TMEM232: variants seen among roughly 807,000 people sequenced by gnomAD.
The protein encoded by TMEM232 is transmembrane protein 232.
TMEM232 carries 80 observed loss-of-function variants against 78.8 expected under a neutral mutation model. The ratio of observed to expected loss-of-function variants is 1.01; its 90% CI spans 0.85 to 1.22. TMEM232 has a LOEUF of 1.22. TMEM232 is among the 50% of genes most tolerant of loss of function. The probability of loss-of-function intolerance (pLI) is 0.00; values close to 1 mark genes in which losing one functional copy is unlikely to be tolerated. For synonymous variants in TMEM232, 297 were observed against 254.3 expected, an observed-to-expected ratio of 1.17 and a Z score of -1.60; for missense variants, 881 against 742.2, an observed-to-expected ratio of 1.19 and a Z score of -2.17.
intron 3 of TMEM232, among the ~76,000 whole-genome samples, chr5:110,392,165 G>A (rs577205215): frequency 6.6e-6 from 1 of 152,174 alleles, no homozygotes; most frequent in Non-Finnish European, 1.5e-5. Context: ...TGATCAACTT[G>A]GGGTTGCTAA....
intron 2 of TMEM232, among the ~76,000 whole-genome samples, chr5:110,410,716 C>G (rs1294075130): frequency 6.6e-6 from 1 of 152,142 alleles, no homozygotes; most frequent in African/African-American, 2.4e-5. Context: ...GGTGTATAAA[C>G]TCATTTAATC....
intron 3 of TMEM232, among the ~76,000 whole-genome samples, chr5:110,392,150 T>C (rs539656796): frequency 3.2e-4 from 48 of 152,206 alleles, no homozygotes; most frequent in Non-Finnish European, 2.8e-4. Flanking sequence ...TCTTTCCAGG[T>C]GGCATGATCA....
intron 12 of TMEM232, among the ~76,000 whole-genome samples, chr5:110,436,630 TG>T (rs1237618162): frequency 1.3e-5 from 2 of 152,106 alleles, no homozygotes; most frequent in African/African-American, 2.4e-5. Context: ...ATTTGATTTT[TG>T]CATAAGGCAA....
intron 12 of TMEM232, among the ~76,000 whole-genome samples, chr5:110,449,382 T>C (rs973351044): frequency 9.2e-5 from 14 of 152,138 alleles, no homozygotes; most frequent in South Asian, 8.3e-4. Context: ...AAAAGGTGAA[T>C]GAATGAAAGA....
At chr5:110,684,825 G>A (rs1446945658) in intron 1 of TMEM232, 1 of 151,954 alleles carries the variant, frequency 6.6e-6, no homozygotes, top group Non-Finnish European at 1.5e-5. Flanking sequence ...TATAGACAAG[G>A]CACAGGACCT....
intron 6 of TMEM232, among the ~76,000 whole-genome samples, chr5:110,626,236 T>C (rs1784410230): frequency 1.3e-5 from 2 of 152,044 alleles, no homozygotes; most frequent in African/African-American, 4.8e-5. Context: ...ATATGAGAAC[T>C]TGAGCTTTTT....
At chr5:110,395,716 T>C (rs556440604) in intron 3 of TMEM232, among the ~76,000 whole-genome samples, 34 of 152,306 alleles carry the variant, frequency 2.2e-4, no homozygotes, top group Admixed American at 1.8e-3. Context: ...AATATTTAGC[T>C]GGGCATGTGA....
At chr5:110,524,370 A>G (rs1412702293) in intron 12 of TMEM232, among the ~76,000 whole-genome samples, 2 of 53,120 alleles carry the variant, frequency 3.8e-5, no homozygotes, top group Non-Finnish European at 8.7e-5. Flanking sequence ...AAAAAAAGAA[A>G]GAAAGAAAGA....
chr5:110,540,114 G>T (rs563249053), intron 11 of TMEM232, among the ~76,000 whole-genome samples: 5 of 152,324 alleles, frequency 3.3e-5, no homozygotes, highest in Admixed American at 3.3e-4. Flanking sequence ...TCCGCTCTTG[G>T]CATCCAAGGC....
chr5:110,635,413 C>T (rs2149991212), intron 5 of TMEM232, among the ~76,000 whole-genome samples: 1 of 152,000 alleles, frequency 6.6e-6, no homozygotes, highest in South Asian at 2.1e-4. Context: ...ATCCCTAATG[C>T]ACATAGACTC....
At chr5:110,417,220 A>G (rs1756251935), downstream of TMEM232, among the ~76,000 whole-genome samples, 1 of 152,180 alleles carries the variant, frequency 6.6e-6, no homozygotes, top group South Asian at 2.1e-4. Context: ...GACCTGAGAT[A>G]CGTTAACACT....
At chr5:110,512,257 T>C (rs1767874917) in intron 12 of TMEM232, among the ~76,000 whole-genome samples, 1 of 152,214 alleles carries the variant, frequency 6.6e-6, no homozygotes, top group Non-Finnish European at 1.5e-5. Flanking sequence ...ATCTGGCCTA[T>C]ATTAGGCATT....
intron 3 of TMEM232, among the ~76,000 whole-genome samples, chr5:110,395,272 C>T (rs1474734298): frequency 6.6e-6 from 1 of 152,084 alleles, no homozygotes; most frequent in Non-Finnish European, 1.5e-5. Context: ...CCCCACTGCC[C>T]CAGGCCTGCA....
At chr5:110,447,336 C>A (rs375948804) in intron 12 of TMEM232, among the ~76,000 whole-genome samples, 2 of 152,100 alleles carry the variant, frequency 1.3e-5, no homozygotes, top group African/African-American at 2.4e-5. Context: ...AAAAGCCTAC[C>A]AGAGACTAGG....
chr5:110,738,370 A>G (rs754118443), upstream of TMEM232: 79 of 615,420 alleles, frequency 1.3e-4, no homozygotes, highest in Non-Finnish European at 1.7e-4. Flanking sequence ...AATACGACAG[A>G]AAACTATAGT....
chr5:110,582,397 T>C (rs1389809894), intron 10 of TMEM232, among the ~76,000 whole-genome samples: 3 of 151,666 alleles, frequency 2.0e-5, no homozygotes, highest in African/African-American at 7.3e-5. Flanking sequence ...CCCAAGCAAA[T>C]TAATATAGGA....
chr5:110,574,549 G>A (rs1312046268), intron 10 of TMEM232, among the ~76,000 whole-genome samples: 1 of 152,030 alleles, frequency 6.6e-6, no homozygotes, highest in Non-Finnish European at 1.5e-5. Flanking sequence ...GGTGGCTTGG[G>A]CCACACTCTA....
At chr5:110,511,191 G>C (rs1051416669) in intron 12 of TMEM232, among the ~76,000 whole-genome samples, 7 of 151,988 alleles carry the variant, frequency 4.6e-5, no homozygotes, top group African/African-American at 1.7e-4. Flanking sequence ...AACTAACAAA[G>C]GAACAGAAAA....
At chr5:110,681,134 G>T (rs1792698991) in intron 1 of TMEM232, among the ~76,000 whole-genome samples, 1 of 152,136 alleles carries the variant, frequency 6.6e-6, no homozygotes, top group African/African-American at 2.4e-5. Context: ...AAAGCCAGGG[G>T]AGGTAGTTCT....
Sources: gnomAD v4.1 joint callset for allele counts (sites outside exome capture counted in the v4.1 genomes callset) on GRCh38, gnomAD v4.1.1 for gene constraint, MANE v1.5 for transcripts, NCBI Gene and HGNC (gene_info 2026-07-23, HGNC 2026-07-21) for gene names.